Variants in SEMA3D observed in about 807,000 individuals in gnomAD.
SEMA3D encodes the protein semaphorin 3D.
Under a neutral mutation model 100.1 loss-of-function variants are expected in SEMA3D, and 84 were observed. The ratio of observed to expected loss-of-function variants is 0.84; its 90% CI spans 0.70 to 1.01. The LOEUF (loss-of-function observed/expected upper bound fraction) is 1.01, where lower values mean the gene tolerates loss of function less well. Among genes scored for constraint, SEMA3D ranks in the 50% least tolerant of loss-of-function variants. SEMA3D has a pLI of 0.00. For missense variants in SEMA3D, 875 were observed against 934.1 expected (o/e 0.94, Z 0.82); for synonymous variants, 312 against 320.7 (o/e 0.97, Z 0.29).
At chr7:85,124,565 G>A (rs768143078) in intron 2 of SEMA3D, among the ~76,000 whole-genome samples, 17 of 151,992 alleles carry the variant, frequency 1.1e-4, no homozygotes, top group East Asian at 1.9e-4. Context: ...TTTATGATAC[G>A]CTATGCAAGA....
intron 1 of SEMA3D, among the ~76,000 whole-genome samples, chr7:85,172,186 T>C (rs1791103804): frequency 6.6e-6 from 1 of 152,018 alleles, no homozygotes. Flanking sequence ...AATAATTATT[T>C]GTGATTACTT....
At chr7:85,069,970 G>T (rs1265760848) in intron 6 of SEMA3D, among the ~76,000 whole-genome samples, 2 of 152,184 alleles carry the variant, frequency 1.3e-5, no homozygotes, top group African/African-American at 4.8e-5. Flanking sequence ...AATGTTAAGT[G>T]ACTAGAATGA....
intron 13 of SEMA3D, among the ~76,000 whole-genome samples, chr7:85,022,094 C>T (rs1039821259): frequency 6.6e-6 from 1 of 151,792 alleles, no homozygotes; most frequent in Non-Finnish European, 1.5e-5. Flanking sequence ...TGAAAATAAA[C>T]ATTACTTTGC....
intron 6 of SEMA3D, 73 bp downstream of exon 6, chr7:85,072,889 G>T: frequency 2.3e-6 from 3 of 1,281,826 alleles, no homozygotes; most frequent in African/African-American, 1.5e-5. Flanking sequence ...AAATCTGCCT[G>T]TTTTATGTCA....
intron 1 of SEMA3D, among the ~76,000 whole-genome samples, chr7:85,175,602 C>G (rs2116560017): frequency 6.6e-6 from 1 of 152,260 alleles, no homozygotes; most frequent in African/African-American, 2.4e-5. Flanking sequence ...AGCTACTTTA[C>G]AGGTGATAGA....
At chr7:85,080,755 T>C (rs1230247045) in intron 5 of SEMA3D, among the ~76,000 whole-genome samples, 2 of 152,112 alleles carry the variant, frequency 1.3e-5, no homozygotes, top group East Asian at 1.9e-4. Context: ...ATAGCCCTCA[T>C]TGCTGGAGAT....
At chr7:85,204,799 ACT>A in the SEMA3D span, among the ~76,000 whole-genome samples, 1 of 151,862 alleles carries the variant, frequency 6.6e-6, no homozygotes, top group Non-Finnish European at 1.5e-5. Flanking sequence ...TCCTATTATC[ACT>A]CTGACTTCCA....
At chr7:85,143,216 A>G in intron 2 of SEMA3D, 2 of 821,572 alleles carry the variant, frequency 2.4e-6, no homozygotes, top group South Asian at 5.6e-5. Flanking sequence ...CAGAATGTCT[A>G]ACATATATGC....
intron 1 of SEMA3D, among the ~76,000 whole-genome samples, chr7:85,179,652 T>C (rs950402550): frequency 1.4e-5 from 2 of 140,318 alleles, no homozygotes; most frequent in African/African-American, 5.4e-5. Context: ...GATGAGACTA[T>C]GGACTTGAAC....
chr7:85,050,831 A>G (rs1791143549), intron 9 of SEMA3D: 5 of 453,692 alleles, frequency 1.1e-5, no homozygotes, highest in African/African-American at 8.2e-5. Context: ...ACCTTTGGTA[A>G]CTAACCTGCC....
intron 18 of SEMA3D, among the ~76,000 whole-genome samples, chr7:85,000,379 G>A (rs1250559480): frequency 6.6e-6 from 1 of 152,258 alleles, no homozygotes; most frequent in East Asian, 1.9e-4. Flanking sequence ...GGAATTTACT[G>A]CTTTCCAGAT....
rs201043996 is a variant in SEMA3D at position 85,036,944 on chromosome 7, G to A, written c.1136C>T (p.Ala379Val). ...ATCATACTGCACCCAACGATGGTCT[G>A]CACTTTCCTTATGAGCATATGGACC... ...FNGPYAHKES[A>V]DHRWVQYDGR... Residue 379 changes from alanine to valine, a missense_variant, in exon 12 of 19, where the codon GCA becomes GTA. Ala to Val is a moderately conservative substitution (Grantham distance 64, BLOSUM62 0). Transcript: ENST00000284136. The A allele has an allele frequency of 1.2e-6, 2 of 1,613,252 alleles. No individual in the cohort carries two copies. The highest frequency in any genetic ancestry group is 1.7e-6 in the Non-Finnish European group (2 of 1,179,384).
At chr7:85,129,298 A>G (rs77329596) in intron 2 of SEMA3D, among the ~76,000 whole-genome samples, 2,754 of 152,236 alleles carry the variant, frequency 0.018, 75 homozygotes, top group African/African-American at 0.062. Context: ...ACACCTACAT[A>G]GGAACGACAG....
intron 2 of SEMA3D, chr7:85,151,626 TG>T: frequency 1.1e-6 from 1 of 922,766 alleles, no homozygotes; most frequent in Non-Finnish European, 1.3e-6. Flanking sequence ...TGTGTGTGTG[TG>T]TGTGATCAAG....
intron 1 of SEMA3D, chr7:85,163,207 C>T (rs1156699009): frequency 2.0e-5 from 3 of 152,658 alleles, no homozygotes; most frequent in African/African-American, 4.8e-5. Flanking sequence ...CTGCCTGGTT[C>T]CACATTCTAT....
chr7:85,151,649 T>A, intron 2 of SEMA3D: 1 of 980,430 alleles, frequency 1.0e-6, no homozygotes, highest in Non-Finnish European at 1.2e-6. Context: ...TATGCAATTC[T>A]CAGTATATTA....
chr7:85,028,111 T>C (rs1393393453), intron 12 of SEMA3D: 7 of 635,768 alleles, frequency 1.1e-5, no homozygotes, highest in Non-Finnish European at 2.0e-5. Flanking sequence ...TTCACGGTGG[T>C]AAATGATGCT....
intron 11 of SEMA3D, among the ~76,000 whole-genome samples, chr7:85,039,298 C>T (rs900357131): frequency 3.3e-5 from 5 of 152,150 alleles, no homozygotes; most frequent in Non-Finnish European, 7.4e-5. Flanking sequence ...CAGAGTTTTG[C>T]TCTTGTTGCC....
In SEMA3D at chr7:85,116,276, A is replaced by T. The variant is rs900091219; in HGVS notation, c.151+5465T>A. 6.1e-5 allele frequency among the ~76,000 whole-genome samples: 9 copies of T among 147,006 alleles called. No homozygotes were observed. The Admixed American group carries it at 6.2e-4, about 10-fold the overall frequency. On this transcript the variant is annotated intron_variant, in intron 3 of 18. Coordinates refer to ENST00000284136, the MANE Select transcript of SEMA3D (RefSeq NM_001384900.1). ...GTATATATAATTGCATATGTATACA[A>T]TTGTATACATATACAATTTATATAT...
Sources: allele counts gnomAD v4.1 joint callset (sites outside exome capture counted in the v4.1 genomes callset), GRCh38; gene constraint gnomAD v4.1.1; transcripts MANE v1.5; gene names NCBI Gene and HGNC (gene_info 2026-07-23, HGNC 2026-07-21).